Variants in ADORA2B observed in about 807,000 individuals in gnomAD.
The protein encoded by ADORA2B is adenosine A2b receptor.
A neutral mutation model predicts 20.8 loss-of-function variants in ADORA2B; 18 were observed. The observed-to-expected ratio is 0.87, with a 90% CI of 0.60 to 1.29. The LOEUF (loss-of-function observed/expected upper bound fraction) is 1.29. Among genes scored for constraint, ADORA2B ranks in the 50% most tolerant of loss-of-function variants. The pLI, the probability that ADORA2B is intolerant of heterozygous loss-of-function variation, is 0.00. For synonymous variants in ADORA2B, 179 were observed against 178.3 expected, an observed-to-expected ratio of 1.00 and a Z score of -0.03; for missense variants, 441 against 422.7, an observed-to-expected ratio of 1.04 and a Z score of -0.38.
At chr17:15,874,418 T>C in the ADORA2B span, among the ~76,000 whole-genome samples, 1 of 151,932 alleles carries the variant, frequency 6.6e-6, no homozygotes, top group Non-Finnish European at 1.5e-5. Context: ...CTGGGCACAG[T>C]GGCTCACCCC....
chr17:15,873,092 G>T, the ADORA2B span, among the ~76,000 whole-genome samples: 3 of 152,106 alleles, frequency 2.0e-5, no homozygotes, highest in Admixed American at 6.6e-5. Flanking sequence ...ATGCCTAGTT[G>T]TTAAGAGCTT....
the ADORA2B span, among the ~76,000 whole-genome samples, chr17:15,897,169 T>C: frequency 2.6e-5 from 4 of 152,266 alleles, no homozygotes; most frequent in Admixed American, 1.3e-4. Context: ...AGACAAGAGT[T>C]CACAGATTGT....
At position 15,975,569 on chromosome 17, in the gene ADORA2B, A is replaced by AT. The variant is rs1307672961; in HGVS notation, c.*229dup. The AT allele has an allele frequency of 1.3e-5, 7 of 548,064 alleles. No homozygotes were observed. Among genetic ancestry groups the AT allele is most frequent in the Non-Finnish European group, 2.3e-5 (7 of 310,988 alleles). The allele number at this position is 548,064 out of a possible 1,614,324, so 34.0% of individuals were successfully genotyped here. A position where few individuals can be genotyped will look rare whatever the true frequency, so the allele number is the denominator to read the frequency against. ...CTATTCAGCTGCTTTTACTGTGTGG[A>AT]TTATGCCAACAGCTTGAATGGATTC... On this transcript the variant is annotated 3_prime_UTR_variant, in exon 2 of 2. Coordinates refer to ENST00000304222, the MANE Select transcript of ADORA2B (RefSeq NM_000676.4).
chr17:15,874,954 G>A, the ADORA2B span, among the ~76,000 whole-genome samples: 1 of 152,000 alleles, frequency 6.6e-6, no homozygotes, highest in East Asian at 1.9e-4. Context: ...ATCTTGTTCA[G>A]CCTAAGAGGA....
the ADORA2B span, among the ~76,000 whole-genome samples, chr17:15,912,589 G>A: frequency 0.04 from 6,017 of 152,298 alleles, 166 homozygotes; most frequent in Non-Finnish European, 0.056. Context: ...CTCTTGGGCT[G>A]TCAGGTGACA....
chr17:15,947,349 T>C (rs1469721053), intron 1 of ADORA2B, among the ~76,000 whole-genome samples: 1 of 151,696 alleles, frequency 6.6e-6, no homozygotes, highest in Non-Finnish European at 1.5e-5. Context: ...CAGAGAGGAG[T>C]TAGTGGAACA....
At chr17:15,885,083 T>C in the ADORA2B span, among the ~76,000 whole-genome samples, 2 of 152,198 alleles carry the variant, frequency 1.3e-5, no homozygotes, top group African/African-American at 2.4e-5. Flanking sequence ...CCAGCATCCA[T>C]TGTTTCTTGA....
chr17:15,932,283 A>G, the ADORA2B span, among the ~76,000 whole-genome samples: 1 of 151,932 alleles, frequency 6.6e-6, no homozygotes, highest in Non-Finnish European at 1.5e-5. Flanking sequence ...TCACTAAGTC[A>G]GGAGTTCGAG....
At chr17:15,963,413 C>T (rs1970063770) in intron 1 of ADORA2B, among the ~76,000 whole-genome samples, 1 of 152,148 alleles carries the variant, frequency 6.6e-6, no homozygotes, top group Non-Finnish European at 1.5e-5. Flanking sequence ...TCTTGCTGGT[C>T]GCTTGTGTTT....
the ADORA2B span, among the ~76,000 whole-genome samples, chr17:15,874,344 AT>A: frequency 4.0e-5 from 6 of 151,462 alleles, no homozygotes; most frequent in South Asian, 4.2e-4. Context: ...AGGGGGATTA[AT>A]TTTTTTTAAT....
chr17:15,908,613 A>C, the ADORA2B span: 1 of 190,656 alleles, frequency 5.2e-6, no homozygotes. Context: ...GCCCAAATCT[A>C]CAAGTACTTT....
chr17:15,903,566 C>T, the ADORA2B span, among the ~76,000 whole-genome samples: 3 of 152,186 alleles, frequency 2.0e-5, no homozygotes, highest in South Asian at 6.2e-4. Flanking sequence ...CTCCAGCACC[C>T]ACTGTCAAGC....
chr17:15,901,335 C>T, the ADORA2B span, among the ~76,000 whole-genome samples: 2 of 152,006 alleles, frequency 1.3e-5, no homozygotes, highest in African/African-American at 4.8e-5. Flanking sequence ...TGTGGTGGTG[C>T]ATGCCTGTAA....
In ADORA2B at chr17:15,953,744, C is replaced by G. The variant is rs1969934487; in HGVS notation, c.335+8161C>G. On this transcript the variant is annotated intron_variant, in intron 1 of 1. Coordinates refer to ENST00000304222, the MANE Select transcript of ADORA2B (RefSeq NM_000676.4). ...CTGGTTTCTGTGAGCCGCGCTGTTA[C>G]TGTGAGCGCGCTGCCTCTCAGGAAG... Among the ~76,000 whole-genome samples the G allele has an allele frequency of 1.3e-5, 2 of 152,218 alleles. 1 individual carries two copies. Among genetic ancestry groups the G allele is most frequent in the Admixed American group, 1.3e-4 (2 of 15,282 alleles).
At chr17:15,891,514 C>T in the ADORA2B span, among the ~76,000 whole-genome samples, 1 of 152,144 alleles carries the variant, frequency 6.6e-6, no homozygotes, top group Non-Finnish European at 1.5e-5. Context: ...TGCTTTTATC[C>T]TCTGTGATCT....
the ADORA2B span, among the ~76,000 whole-genome samples, chr17:15,875,812 G>A: frequency 6.6e-6 from 1 of 152,048 alleles, no homozygotes; most frequent in African/African-American, 2.4e-5. Context: ...AACTTCTGAC[G>A]TCAGGTAATC....
chr17:15,955,978 C>T (rs1331006070), intron 1 of ADORA2B, among the ~76,000 whole-genome samples: 1 of 152,110 alleles, frequency 6.6e-6, no homozygotes, highest in Non-Finnish European at 1.5e-5. Context: ...CCTCGGCCTC[C>T]ATAAATGCTG....
the ADORA2B span, among the ~76,000 whole-genome samples, chr17:15,912,718 C>T: frequency 4.1e-4 from 62 of 152,222 alleles, no homozygotes; most frequent in African/African-American, 1.3e-3. Flanking sequence ...AACACATGCA[C>T]ACAAACACGC....
chr17:15,890,055 C>G, the ADORA2B span, among the ~76,000 whole-genome samples: 182 of 129,972 alleles, frequency 1.4e-3, 38 homozygotes, highest in Non-Finnish European at 2.0e-3. Flanking sequence ...ATTACTGGGT[C>G]AAATCGTATT....
Sources: allele counts gnomAD v4.1 joint callset (sites outside exome capture counted in the v4.1 genomes callset), GRCh38; gene constraint gnomAD v4.1.1; transcripts MANE v1.5; gene names NCBI Gene and HGNC (gene_info 2026-07-23, HGNC 2026-07-21).